The following SPMAP2 variants were observed in gnomAD, a reference collection of about 807,000 sequenced individuals.
The protein encoded by SPMAP2 is Theg homolog.
At chr19:373,553 G>A in the SPMAP2 span, 2 of 1,611,096 alleles carry the variant, frequency 1.2e-6, no homozygotes, top group Non-Finnish European at 8.5e-7. Context: ...GGACGGCTCA[G>A]GGCAAGGGAG....
At chr19:374,246 A>G in the SPMAP2 span, 4 of 1,603,332 alleles carry the variant, frequency 2.5e-6, no homozygotes, top group Non-Finnish European at 3.4e-6. Context: ...GGAAGGGTGC[A>G]GAGAAAGCCG....
At chr19:364,739 C>A in the SPMAP2 span, among the ~76,000 whole-genome samples, 1 of 151,940 alleles carries the variant, frequency 6.6e-6, no homozygotes, top group African/African-American at 2.4e-5. Context: ...GCACTCGTGG[C>A]CCCCTCCTCC....
chr19:374,106 G>A, the SPMAP2 span: 1 of 1,489,460 alleles, frequency 6.7e-7, no homozygotes, highest in Non-Finnish European at 9.2e-7. Context: ...CCGCCCAGAG[G>A]GCCACCGTTC....
chr19:374,704 C>T, the SPMAP2 span: 183,372 of 473,878 alleles, frequency 0.39, 40,390 homozygotes, highest in Non-Finnish European at 0.45. Flanking sequence ...CCAGCTCCCA[C>T]CTGGCGGGGC....
the SPMAP2 span, among the ~76,000 whole-genome samples, chr19:373,087 G>T: frequency 6.6e-6 from 1 of 152,204 alleles, no homozygotes; most frequent in Non-Finnish European, 1.5e-5. Context: ...TAGGTCTAAA[G>T]TCAAGAACAG....
the SPMAP2 span, chr19:361,934 G>A: frequency 2.5e-5 from 7 of 283,688 alleles, no homozygotes; most frequent in South Asian, 1.3e-4. Flanking sequence ...CTGTCGTTCC[G>A]ACTCCGACGG....
chr19:374,933 G>T, the SPMAP2 span, among the ~76,000 whole-genome samples: 1 of 152,198 alleles, frequency 6.6e-6, no homozygotes, highest in African/African-American at 2.4e-5. Context: ...TGGCTCCCAC[G>T]TTCTCCCCAG....
At chr19:369,940 A>G in the SPMAP2 span, among the ~76,000 whole-genome samples, 3 of 152,222 alleles carry the variant, frequency 2.0e-5, no homozygotes, top group African/African-American at 7.2e-5. Context: ...ATCTGGATGT[A>G]TACGTGCAAG....
chr19:373,473 G>C, the SPMAP2 span: 1 of 1,613,234 alleles, frequency 6.2e-7, no homozygotes, highest in Admixed American at 1.7e-5. Flanking sequence ...CACCTACCGG[G>C]CACTGTGATG....
At chr19:363,678 C>T in the SPMAP2 span, among the ~76,000 whole-genome samples, 7,942 of 151,242 alleles carry the variant, frequency 0.053, 510 homozygotes, top group African/African-American at 0.15. Context: ...GGGCTACAGG[C>T]GCCCGCCACC....
At chr19:369,032 T>C in the SPMAP2 span, among the ~76,000 whole-genome samples, 1 of 152,156 alleles carries the variant, frequency 6.6e-6, no homozygotes, top group Non-Finnish European at 1.5e-5. Flanking sequence ...CTGTTCACTT[T>C]TTAGTGTGAT....
chr19:373,495 G>T, the SPMAP2 span: 10 of 1,613,468 alleles, frequency 6.2e-6, no homozygotes, highest in Non-Finnish European at 8.5e-6. Flanking sequence ...TGAGGGTGGT[G>T]TCCTCAAGGA....
chr19:364,515 T>TA, the SPMAP2 span, among the ~76,000 whole-genome samples: 3,165 of 140,196 alleles, frequency 0.023, 111 homozygotes, highest in African/African-American at 0.076. Flanking sequence ...ACCCCATCTC[T>TA]AAAAAAAAAA....
At chr19:363,874 C>G in the SPMAP2 span, among the ~76,000 whole-genome samples, 2 of 151,912 alleles carry the variant, frequency 1.3e-5, no homozygotes, top group Admixed American at 1.3e-4. Flanking sequence ...TGCTGTGTCT[C>G]CCAGGCTGGA....
the SPMAP2 span, among the ~76,000 whole-genome samples, chr19:363,213 T>G: frequency 0.3 from 45,451 of 152,094 alleles, 10,076 homozygotes; most frequent in African/African-American, 0.63. Context: ...TTTAGTTTGA[T>G]ACAGAGCCTT....
At chr19:375,889 C>T in the SPMAP2 span, 53 of 1,551,994 alleles carry the variant, frequency 3.4e-5, no homozygotes, top group Admixed American at 1.7e-4. Flanking sequence ...CCACGGGGGT[C>T]GCCGTCCTGC....
the SPMAP2 span, chr19:367,117 C>G: frequency 6.2e-7 from 1 of 1,612,870 alleles, no homozygotes; most frequent in Admixed American, 1.7e-5. Flanking sequence ...TGGGTTTTGG[C>G]ACGGGGTCCC....
chr19:362,576 T>G, the SPMAP2 span: 8 of 549,006 alleles, frequency 1.5e-5, no homozygotes, highest in African/African-American at 1.5e-4. Flanking sequence ...GAGATCAGCC[T>G]GGCCAACATG....
chr19:372,978 C>T, the SPMAP2 span, among the ~76,000 whole-genome samples: 72 of 152,288 alleles, frequency 4.7e-4, no homozygotes, highest in East Asian at 5.4e-3. Flanking sequence ...GGCTCCTCAA[C>T]GGGGCTCAAT....
Sources: gnomAD v4.1 joint callset for allele counts (sites outside exome capture counted in the v4.1 genomes callset) on GRCh38, gnomAD v4.1.1 for gene constraint, MANE v1.5 for transcripts, NCBI Gene and HGNC (gene_info 2026-07-23, HGNC 2026-07-21) for gene names.